The following TULP3 variants were observed in gnomAD, a reference collection of about 807,000 sequenced individuals.
TULP3 encodes TUB like protein 3, also known as tubby-related protein 3.
A neutral mutation model predicts 50.7 loss-of-function variants in TULP3; 38 were observed. The ratio of observed to expected loss-of-function variants is 0.75; its 90% CI spans 0.58 to 0.98. The LOEUF is 0.98. Ranked by LOEUF, TULP3 falls within the 50% of genes least tolerant of loss-of-function variation. TULP3 has a pLI of 0.00. For missense variants in TULP3, 550 were observed against 568.0 expected, an observed-to-expected ratio of 0.97 and a Z score of 0.32; for synonymous variants, 183 against 196.6, an observed-to-expected ratio of 0.93 and a Z score of 0.58.
chr12:2,918,509 T>C (rs1276991018), intron 2 of TULP3, among the ~76,000 whole-genome samples: 1 of 152,178 alleles, frequency 6.6e-6, no homozygotes, highest in African/African-American at 2.4e-5. Context: ...TTCTTATGAT[T>C]TCAGTACTTC....
chr12:2,907,154 A>G (rs1387535466), intron 1 of TULP3, among the ~76,000 whole-genome samples: 5 of 151,958 alleles, frequency 3.3e-5, no homozygotes, highest in Non-Finnish European at 7.4e-5. Flanking sequence ...CCTGGCCAAC[A>G]TGGCAAAACC....
Position 2,940,622 on chromosome 12 carries a change from C to G in TULP3, c.*1178C>G. ...CCTTGTGCACAGAACTGTTTGCCAGCGTTGGGTGGGACACCCGTGGCGGCT... is the reference window on the plus strand; with the variant it reads ...CCTTGTGCACAGAACTGTTTGCCAGGGTTGGGTGGGACACCCGTGGCGGCT... On this transcript the variant is annotated 3_prime_UTR_variant, in exon 11 of 11. Transcript: ENST00000448120. 6.4e-7 allele frequency: 1 copy of G among 1,551,768 alleles called. No homozygotes were observed. Among genetic ancestry groups the G allele is most frequent in the South Asian group, 1.2e-5 (1 of 84,066 alleles).
chr12:2,932,472 C>A (rs531225664), intron 6 of TULP3, among the ~76,000 whole-genome samples: 3 of 149,788 alleles, frequency 2.0e-5, no homozygotes, highest in African/African-American at 7.4e-5. Flanking sequence ...TCCAGCTACT[C>A]GGGAGGCTGA....
intron 1 of TULP3, among the ~76,000 whole-genome samples, chr12:2,897,211 T>C (rs2098176063): frequency 6.6e-6 from 1 of 152,010 alleles, no homozygotes; most frequent in Non-Finnish European, 1.5e-5. Flanking sequence ...GATTTCACCA[T>C]GTTGGCCAGG....
At chr12:2,906,822 A>G (rs985006572) in intron 1 of TULP3, among the ~76,000 whole-genome samples, 1 of 151,328 alleles carries the variant, frequency 6.6e-6, no homozygotes, top group Non-Finnish European at 1.5e-5. Flanking sequence ...AGGCTGAGGC[A>G]GGAGAATCGC....
Position 2,900,259 on chromosome 12 carries a change from G to A in TULP3, c.42-9270G>A, listed in dbSNP as rs1172259896. Among the ~76,000 whole-genome samples the A allele has an allele frequency of 2.6e-5, 4 of 152,020 alleles. No individual in the cohort carries two copies. In the East Asian group the frequency reaches 5.8e-4, roughly 22 times the overall value. On this transcript the variant is annotated intron_variant, in intron 1 of 10. Coordinates refer to ENST00000448120, the MANE Select transcript of TULP3 (RefSeq NM_003324.5). ...AAAAAAACTTGGATTCTAAAGATAC[G>A]TTGTTCTGTAGATGGTCTCTGGACC...
At chr12:2,904,389 G>C (rs976108813) in intron 1 of TULP3, among the ~76,000 whole-genome samples, 10 of 152,118 alleles carry the variant, frequency 6.6e-5, no homozygotes, top group Admixed American at 1.3e-4. Flanking sequence ...TCAGGCTGCT[G>C]TGCAGGGTCA....
At chr12:2,897,462 A>C (rs1455781045) in intron 1 of TULP3, among the ~76,000 whole-genome samples, 1 of 152,186 alleles carries the variant, frequency 6.6e-6, no homozygotes, top group African/African-American at 2.4e-5. Flanking sequence ...AGTATTAAGA[A>C]GTATTGTAAA....
At chr12:2,891,318 C>G (rs1007260238) in intron 1 of TULP3, among the ~76,000 whole-genome samples, 1 of 152,170 alleles carries the variant, frequency 6.6e-6, no homozygotes, top group Admixed American at 6.5e-5. Context: ...GCGCTGGCCC[C>G]GCTCAGCTCC....
chr12:2,921,331 G>A (rs1053485471), intron 3 of TULP3, among the ~76,000 whole-genome samples: 3 of 151,174 alleles, frequency 2.0e-5, no homozygotes, highest in South Asian at 2.1e-4. Context: ...TAGTAGAGAC[G>A]GGGTTTTACT....
intron 1 of TULP3, among the ~76,000 whole-genome samples, chr12:2,903,120 C>T (rs868455860): frequency 6.6e-6 from 1 of 151,860 alleles, no homozygotes; most frequent in Non-Finnish European, 1.5e-5. Context: ...CGTTAGCCTC[C>T]CAAAGTTCTG....
chr12:2,940,853 T>C lies in TULP3; in HGVS notation c.*1409T>C. On this transcript the variant is annotated 3_prime_UTR_variant, in exon 11 of 11. Coordinates refer to ENST00000448120, the MANE Select transcript of TULP3 (RefSeq NM_003324.5). ...CCACCAAGTGCCTCCCTCACAGCCATGCCCAGAAGCCTCACACCTCGTCAC... is the reference window on the plus strand; with the variant it reads ...CCACCAAGTGCCTCCCTCACAGCCACGCCCAGAAGCCTCACACCTCGTCAC... 1 of 854,922 alleles carries C rather than the reference T, an allele frequency of 1.2e-6. No individual in the cohort carries two copies. The highest frequency in any genetic ancestry group is 1.8e-6 in the Non-Finnish European group (1 of 563,626). The allele number at this position is 854,922 out of a possible 1,614,324, so 53.0% of individuals were successfully genotyped here. A position where few individuals can be genotyped will look rare whatever the true frequency, so the allele number is the denominator to read the frequency against.
At position 2,928,095 on chromosome 12, in the gene TULP3, C is replaced by G. The variant is rs989065468; in HGVS notation, c.395-2153C>G. Among the ~76,000 whole-genome samples, 3 of 152,344 alleles carry G rather than the reference C, an allele frequency of 2.0e-5. No homozygotes were observed. The South Asian group carries it at 6.2e-4, about 32-fold the overall frequency. On this transcript the variant is annotated intron_variant, in intron 4 of 10. Transcript: ENST00000448120. ...AAAAAGACTATCAGTATCTCCTCCT[C>G]TAACTCAAATGTAAGAATAAAATGA...
intron 3 of TULP3, 77 bp downstream of exon 3, chr12:2,920,999 G>T: frequency 6.5e-7 from 1 of 1,534,656 alleles, no homozygotes; most frequent in East Asian, 2.3e-5. Flanking sequence ...TTGTCAGACG[G>T]ACCAAAGGGA....
In TULP3 at chr12:2,902,864, A is replaced by ATTT. The variant is rs55745440; in HGVS notation, c.42-6652_42-6650dup. ...AGGTGCTAGATTAAAGGGCAATGGGATTTTTTTTTTTTTTTGAGACAGAGT... is the reference window on the plus strand; with the variant it reads ...AGGTGCTAGATTAAAGGGCAATGGGATTTTTTTTTTTTTTTTTTGAGACAGAGT... On this transcript the variant is annotated intron_variant, in intron 1 of 10. Transcript: ENST00000448120. 8.0e-3 allele frequency among the ~76,000 whole-genome samples: 1,155 copies of ATTT among 144,824 alleles called. 18 individuals carry two copies. The highest frequency in any genetic ancestry group is 0.019 in the African/African-American group (757 of 39,220).
chr12:2,923,271 T>C (rs2098192821), intron 4 of TULP3, among the ~76,000 whole-genome samples: 1 of 152,200 alleles, frequency 6.6e-6, no homozygotes, highest in Non-Finnish European at 1.5e-5. Flanking sequence ...CAAACATTGC[T>C]AGGTCCTGGC....
rs116014892 is a variant in TULP3, at chr12:2,934,524, C to A, written c.887C>A (p.Ala296Glu). ...ATGAAGGGCCGGGGTTTGGTAGGAG[C>A]GGCCCACACCCGGCAGGAGCTGGCT... ...CPMKGRGLVG[A>E]AHTRQELAAI... is the part of the protein sequence containing the mutation. The change falls in exon 8 of 11, where the codon GCG becomes GAG. Residue 296 changes from alanine to glutamate, a missense_variant. Transcript: ENST00000448120. 3,528 of 1,599,200 alleles carry A rather than the reference C, an allele frequency of 2.2e-3. 66 individuals carry two copies. The African/African-American group carries it at 0.041, about 18-fold the overall frequency.
At chr12:2,898,032 C>T (rs895234562) in intron 1 of TULP3, among the ~76,000 whole-genome samples, 7 of 146,814 alleles carry the variant, frequency 4.8e-5, no homozygotes, top group East Asian at 2.0e-4. Context: ...GAGCCAAGAT[C>T]GCGCCATTGC....
Position 2,939,447 on chromosome 12 carries a change from G to T in TULP3, c.*3G>T. 1.2e-6 allele frequency: 2 copies of T among 1,614,044 alleles called. No individual in the cohort carries two copies. The highest frequency in any genetic ancestry group is 1.7e-6 in the Non-Finnish European group (2 of 1,179,974). On this transcript the variant is annotated 3_prime_UTR_variant, in exon 11 of 11. Transcript: ENST00000448120. This position sits in a 1 kb window ranked among gnomAD's most constrained non-coding sequence, Gnocchi z 4.0. ...ACAGTAAGCTGGCGTGTGAATGAGA[G>T]AACAGTCAGGCAGGGAGCCCTTCTC...
Sources: gnomAD v4.1 joint callset for allele counts (sites outside exome capture counted in the v4.1 genomes callset) on GRCh38, gnomAD v4.1.1 for gene constraint, Gnocchi (gnomAD v3.1) non-coding constraint, MANE v1.5 for transcripts, NCBI Gene and HGNC (gene_info 2026-07-23, HGNC 2026-07-21) for gene names.